The following AREL1 variants were observed in gnomAD, a reference collection of about 807,000 sequenced individuals.
AREL1 encodes the protein apoptosis-resistant E3 ubiquitin protein ligase 1.
Under a neutral mutation model 99.0 loss-of-function variants are expected in AREL1, and 62 were observed. The observed-to-expected ratio is 0.63, with a 90% CI of 0.51 to 0.77. The LOEUF (loss-of-function observed/expected upper bound fraction) is 0.77, where lower values mean the gene tolerates loss of function less well. AREL1 is among the 30% of genes least tolerant of loss of function. The pLI, the probability that AREL1 is intolerant of heterozygous loss-of-function variation, is 0.00. For missense variants in AREL1, 879 were observed against 1,027.6 expected (o/e 0.86, Z 1.98); for synonymous variants, 380 against 376.5 (o/e 1.01, Z -0.11).
chr14:74,681,822 G>A (rs923495649), intron 5 of AREL1, among the ~76,000 whole-genome samples: 4 of 151,640 alleles, frequency 2.6e-5, no homozygotes, highest in Non-Finnish European at 5.9e-5. Context: ...GATAGGTGTG[G>A]CTGTAAAAGG....
At chr14:74,708,726 A>C (rs558791614) in intron 1 of AREL1, among the ~76,000 whole-genome samples, 16 of 152,276 alleles carry the variant, frequency 1.1e-4, no homozygotes, top group Non-Finnish European at 2.1e-4. Flanking sequence ...CGCTCTGAAA[A>C]ACATGATGCA....
At chr14:74,680,444 T>C (rs2089604344) in intron 5 of AREL1, among the ~76,000 whole-genome samples, 2 of 152,230 alleles carry the variant, frequency 1.3e-5, no homozygotes, top group African/African-American at 4.8e-5. Flanking sequence ...GGATTATTCA[T>C]ACATTGCTGG....
Position 74,675,820 on chromosome 14 carries a change from G to A in AREL1, c.959C>T (p.Thr320Ile), listed in dbSNP as rs767427241. ...TPWHLPPMHM[T>I]SSQRRPSTAV... ...AGTGGATGGCCGGCGCTGGGAAGAG[G>A]TCATGTGCATGGGTGGCAGGTGCCA... Residue 320 changes from threonine to isoleucine, a missense_variant, in exon 8 of 20, where the codon ACC (threonine) becomes ATC (isoleucine). Thr to Ile is a moderately conservative substitution (Grantham distance 89). Transcript: ENST00000356357. 6.2e-7 allele frequency: 1 copy of A among 1,614,160 alleles called. No homozygotes were observed. Among genetic ancestry groups the A allele is most frequent in the East Asian group, 2.2e-5 (1 of 44,884 alleles).
rs1046887410 is a variant in AREL1 at position 74,661,881 on chromosome 14, G to A, written c.*1839C>T. On this transcript the variant is annotated 3_prime_UTR_variant, in exon 20 of 20. Transcript: ENST00000356357. ...AGGATCAGTCTCTGGAAGGCTGCCG[G>A]AGGGGAGAATTCAGAAAAGCGACTG... The A allele has an allele frequency of 5.2e-5, 8 of 152,516 alleles. No homozygotes were observed. Among genetic ancestry groups the A allele is most frequent in the Non-Finnish European group, 1.2e-4 (8 of 68,176 alleles). The allele number at this position is 152,516 out of a possible 1,614,324, so 9.4% of individuals were successfully genotyped here. A position where few individuals can be genotyped will look rare whatever the true frequency, so the allele number is the denominator to read the frequency against.
chr14:74,664,448 C>CTTTT (rs56728679), intron 18 of AREL1, among the ~76,000 whole-genome samples: 721 of 76,790 alleles, frequency 9.4e-3, no homozygotes, highest in African/African-American at 0.011. Flanking sequence ...CTTTTCCTTT[C>CTTTT]TTTTTTTTTT....
chr14:74,686,301 C>T (rs182085092), intron 2 of AREL1, among the ~76,000 whole-genome samples: 313 of 152,302 alleles, frequency 2.1e-3, no homozygotes, highest in Non-Finnish European at 3.5e-3. Context: ...GACTGTACTT[C>T]TCATCCTCAG....
rs760152663 is a variant in AREL1, at chr14:74,662,208, A to C, written c.*1512T>G. 5.3e-6 allele frequency: 1 copy of C among 187,564 alleles called. No homozygotes were observed. The highest frequency in any genetic ancestry group is 1.1e-5 in the Non-Finnish European group (1 of 91,404). 11.6% of individuals were successfully genotyped at this position (187,564 alleles called of 1,614,324 possible). A position where few individuals can be genotyped will look rare whatever the true frequency, so the allele number is the denominator to read the frequency against. On this transcript the variant is annotated 3_prime_UTR_variant, in exon 20 of 20. Coordinates refer to ENST00000356357, the MANE Select transcript of AREL1 (RefSeq NM_001039479.2). ...TGCGAAAGACTGAGGTCAGGCAGGA[A>C]CTGTAGCAGCTCAGGAGGGCTTGTT...
chr14:74,670,772 T>C lies in AREL1; in HGVS notation c.1598A>G (p.Asn533Ser). Reference sequence around the variant, plus strand: ...CCGTCACCAACTCACTAATGCTTGGTTGTTGTCACTGAACCGGGTGAAGAG... The same window carrying C: ...CCGTCACCAACTCACTAATGCTTGGCTGTTGTCACTGAACCGGGTGAAGAG... ...NQLFTRFSDN[N>S]QALVHPNPNR... The change falls in exon 13 of 20, where the codon AAC becomes AGC. Residue 533 changes from asparagine (N) to serine (S), a missense_variant. Transcript: ENST00000356357. The C allele has an allele frequency of 6.2e-7, 1 of 1,614,078 alleles. No homozygotes were observed. Among genetic ancestry groups the C allele is most frequent in the South Asian group, 1.1e-5 (1 of 91,070 alleles).
intron 1 of AREL1, among the ~76,000 whole-genome samples, chr14:74,709,579 T>C (rs1594774124): frequency 6.6e-6 from 1 of 152,198 alleles, no homozygotes; most frequent in African/African-American, 2.4e-5. Flanking sequence ...CAAGCGGCAG[T>C]AATCTATCTC....
Position 74,671,388 on chromosome 14 carries a change from T to C in AREL1, c.1498+20A>G, listed in dbSNP as rs751890026. On this transcript the variant is annotated intron_variant, in intron 12 of 19. Transcript: ENST00000356357. ...GGGGAGGAGAGTTCAAAAAGATGAA[T>C]ATAAAATTTCAAAACTGACCTTCTT... 4 of 1,053,828 alleles carry C rather than the reference T, an allele frequency of 3.8e-6. No individual in the cohort carries two copies. The African/African-American group carries it at 5.9e-5, about 16-fold the overall frequency. 65.3% of individuals were successfully genotyped at this position (1,053,828 alleles called of 1,614,324 possible).
rs2089111648 is a variant in AREL1, at chr14:74,662,698, C to T, written c.*1022G>A. 1.0e-5 allele frequency: 4 copies of T among 398,426 alleles called. No homozygotes were observed. Among genetic ancestry groups the T allele is most frequent in the African/African-American group, 2.1e-5 (1 of 48,718 alleles). 24.7% of individuals were successfully genotyped at this position (398,426 alleles called of 1,614,324 possible). A position where few individuals can be genotyped will look rare whatever the true frequency, so the allele number is the denominator to read the frequency against. ...CAAGGACCTGTGATAAGCACGTAAA[C>T]TCCTAGTCCCTGTTCCTTTGTCTTA... On this transcript the variant is annotated 3_prime_UTR_variant, in exon 20 of 20. Coordinates refer to ENST00000356357, the MANE Select transcript of AREL1 (RefSeq NM_001039479.2).
At position 74,669,698 on chromosome 14, in the gene AREL1, T is replaced by A; in HGVS notation, c.1865A>T (p.Glu622Val). The change falls in exon 15 of 20, where the codon GAG becomes GTG. Residue 622 changes from glutamate to valine, a missense_variant. Transcript: ENST00000356357. ...FILNNDMSEM[E>V]LVFAEEKYNK... is the part of the protein sequence containing the mutation. ...ATATTTCTCTTCTGCAAAGACCAGC[T>A]CCATCTCACTCATGTCATTGTTGAG... 6.2e-7 allele frequency: 1 copy of A among 1,614,150 alleles called. No individual in the cohort carries two copies. The highest frequency in any genetic ancestry group is 8.5e-7 in the Non-Finnish European group (1 of 1,180,002).
rs375288415 is a variant in AREL1, at chr14:74,690,995, G to T, written c.-46+1046C>A. 9 of 151,716 alleles carry T rather than the reference G, an allele frequency of 5.9e-5. No homozygotes were observed. The East Asian group carries it at 1.7e-3, about 29-fold the overall frequency. The allele number at this position is 151,716 out of a possible 1,614,324, so 9.4% of individuals were successfully genotyped here. On this transcript the variant is annotated intron_variant, in intron 2 of 19. Coordinates refer to ENST00000356357, the MANE Select transcript of AREL1 (RefSeq NM_001039479.2). Reference sequence around the variant, plus strand: ...AGGTTGCTGAACATCTCACATTGGGGTAAGTGACAGAGTTGAGATTCAAGC... The same window carrying T: ...AGGTTGCTGAACATCTCACATTGGGTTAAGTGACAGAGTTGAGATTCAAGC...
At chr14:74,677,500 C>CTTTTTTTTTTT (rs58383006) in intron 5 of AREL1, among the ~76,000 whole-genome samples, 2 of 63,120 alleles carry the variant, frequency 3.2e-5, no homozygotes, top group Non-Finnish European at 3.0e-5. Flanking sequence ...TGTCTCTCTC[C>CTTTTTTTTTTT]TTTTTTTTTT....
intron 1 of AREL1, among the ~76,000 whole-genome samples, chr14:74,710,986 C>T (rs1405329933): frequency 6.6e-6 from 1 of 152,070 alleles, no homozygotes; most frequent in Non-Finnish European, 1.5e-5. Context: ...AATCCCAGCA[C>T]TTTGGGAGGC....
At position 74,676,870 on chromosome 14, in the gene AREL1, C is replaced by T. The variant is rs527869086; in HGVS notation, c.482-118G>A. ...GGAGTGCAGTGGCGCAATCTCGGCTCACTGCAAGCTCTGCCTTCCGGGCTC... is the reference window on the plus strand; with the variant it reads ...GGAGTGCAGTGGCGCAATCTCGGCTTACTGCAAGCTCTGCCTTCCGGGCTC... On this transcript the variant is annotated intron_variant, in intron 5 of 19. Coordinates refer to ENST00000356357, the MANE Select transcript of AREL1 (RefSeq NM_001039479.2). The T allele has an allele frequency of 5.4e-5, 44 of 808,500 alleles. No homozygotes were observed. The African/African-American group carries it at 7.9e-4, about 15-fold the overall frequency. The allele number at this position is 808,500 out of a possible 1,614,324, so 50.1% of individuals were successfully genotyped here.
chr14:74,692,096 G>A lies in AREL1; in HGVS notation c.-101C>T. 4 of 430,438 alleles carry A rather than the reference G, an allele frequency of 9.3e-6. No individual in the cohort carries two copies. Among genetic ancestry groups the A allele is most frequent in the South Asian group, 6.7e-5 (4 of 59,964 alleles). 26.7% of individuals were successfully genotyped at this position (430,438 alleles called of 1,614,324 possible). A position where few individuals can be genotyped will look rare whatever the true frequency, so the allele number is the denominator to read the frequency against. On this transcript the variant is annotated 5_prime_UTR_variant, in exon 2 of 20. Transcript: ENST00000356357. ...AAGTAGAGCACTCCTATTCACCAAA[G>A]CAGGTAACTTTTGGCCCCTTTCACC... is the stretch of plus-strand genomic sequence containing the variant.
At chr14:74,683,004 C>T (rs1202948241) in intron 5 of AREL1, among the ~76,000 whole-genome samples, 1 of 152,190 alleles carries the variant, frequency 6.6e-6, no homozygotes, top group Non-Finnish European at 1.5e-5. Context: ...CCAAACACAG[C>T]AGGCAAATCC....
intron 18 of AREL1, 33 bp downstream of exon 18, chr14:74,664,803 C>T (rs923819443): frequency 1.3e-6 from 2 of 1,596,962 alleles, no homozygotes; most frequent in African/African-American, 2.7e-5. Flanking sequence ...TAACATGGCA[C>T]AAATCCAACT....
Sources: allele counts gnomAD v4.1 joint callset (sites outside exome capture counted in the v4.1 genomes callset), GRCh38; gene constraint gnomAD v4.1.1; transcripts MANE v1.5; gene names NCBI Gene and HGNC (gene_info 2026-07-23, HGNC 2026-07-21).